PITPNC1: variants seen among roughly 807,000 people sequenced by gnomAD.
The protein encoded by PITPNC1 is phosphatidylinositol transfer protein cytoplasmic 1.
Under a neutral mutation model 44.7 loss-of-function variants are expected in PITPNC1, and 18 were observed. The ratio of observed to expected loss-of-function variants is 0.40; its 90% CI spans 0.28 to 0.60. The LOEUF (loss-of-function observed/expected upper bound fraction) is 0.60. PITPNC1 is among the 20% of genes least tolerant of loss of function. The probability of loss-of-function intolerance (pLI) is 0.39; values close to 1 mark genes in which losing one functional copy is unlikely to be tolerated. For missense variants in PITPNC1, 290 were observed against 418.4 expected (o/e 0.69, Z 2.68); for synonymous variants, 141 against 149.6 (o/e 0.94, Z 0.42).
At chr17:67,603,341 C>A (rs1313548394) in intron 5 of PITPNC1, among the ~76,000 whole-genome samples, 1 of 152,120 alleles carries the variant, frequency 6.6e-6, no homozygotes, top group Non-Finnish European at 1.5e-5. Context: ...TGATGGCAGC[C>A]ATGTGGATAT....
intron 1 of PITPNC1, among the ~76,000 whole-genome samples, chr17:67,392,271 T>C (rs1294978569): frequency 5.9e-5 from 9 of 152,214 alleles, no homozygotes; most frequent in Admixed American, 3.3e-4. Flanking sequence ...TTCAGAGTTA[T>C]AGATTTACCC....
At chr17:67,582,173 G>C (rs1030142853) in intron 5 of PITPNC1, among the ~76,000 whole-genome samples, 1 of 152,162 alleles carries the variant, frequency 6.6e-6, no homozygotes, top group Non-Finnish European at 1.5e-5. Flanking sequence ...TCTAGCCAGG[G>C]ATTCAAAACT....
At chr17:67,385,698 C>T (rs1301144777) in intron 1 of PITPNC1, among the ~76,000 whole-genome samples, 1 of 152,126 alleles carries the variant, frequency 6.6e-6, no homozygotes, top group Non-Finnish European at 1.5e-5. Context: ...GACACAGTTC[C>T]ACAGCCAGGG....
chr17:67,402,663 ATTGT>A (rs757856626), intron 1 of PITPNC1, among the ~76,000 whole-genome samples: 8 of 151,878 alleles, frequency 5.3e-5, no homozygotes, highest in Non-Finnish European at 7.4e-5. Flanking sequence ...ACATGTTTTT[ATTGT>A]TTGTTTGTTT....
intron 1 of PITPNC1, among the ~76,000 whole-genome samples, chr17:67,464,735 ACT>A (rs2039398304): frequency 6.9e-6 from 1 of 145,886 alleles, no homozygotes; most frequent in South Asian, 2.1e-4. Flanking sequence ...CGATTTTACA[ACT>A]CTCTCACTTT....
At chr17:67,651,481 C>T (rs1006444267) in intron 6 of PITPNC1, among the ~76,000 whole-genome samples, 3 of 151,800 alleles carry the variant, frequency 2.0e-5, no homozygotes, top group Non-Finnish European at 4.4e-5. Flanking sequence ...CCATTGCTCT[C>T]TAGCCCAGGT....
chr17:67,603,177 C>T (rs2041564124), intron 5 of PITPNC1, among the ~76,000 whole-genome samples: 2 of 152,200 alleles, frequency 1.3e-5, no homozygotes, highest in Admixed American at 6.5e-5. Context: ...GTGATTATGG[C>T]AGGGCCCCAT....
At chr17:67,532,701 A>G (rs1334630879) in intron 1 of PITPNC1, 101 bp from the exon 2 acceptor site, 2 of 854,886 alleles carry the variant, frequency 2.3e-6, no homozygotes, top group African/African-American at 3.4e-5. Flanking sequence ...TTCTCAGCAG[A>G]AGGTGCTGAT....
intron 1 of PITPNC1, among the ~76,000 whole-genome samples, chr17:67,391,693 C>T (rs564442746): frequency 6.6e-6 from 1 of 152,156 alleles, no homozygotes; most frequent in Non-Finnish European, 1.5e-5. Context: ...GTTGGCCAGG[C>T]TGGTCTCGAA....
At chr17:67,467,332 G>A (rs2039443263) in intron 1 of PITPNC1, among the ~76,000 whole-genome samples, 1 of 152,118 alleles carries the variant, frequency 6.6e-6, no homozygotes, top group Non-Finnish European at 1.5e-5. Context: ...GGGATTACAG[G>A]CATGAGCCAC....
intron 1 of PITPNC1, among the ~76,000 whole-genome samples, chr17:67,500,616 A>G (rs1381747987): frequency 6.6e-6 from 1 of 152,086 alleles, no homozygotes; most frequent in Non-Finnish European, 1.5e-5. Flanking sequence ...ACACTTTAAA[A>G]GGACAAATTT....
At chr17:67,581,305 G>A (rs2041231082) in intron 5 of PITPNC1, among the ~76,000 whole-genome samples, 1 of 152,198 alleles carries the variant, frequency 6.6e-6, no homozygotes, top group Admixed American at 6.5e-5. Context: ...TGAGACTTAG[G>A]CTGGGCTGCA....
chr17:67,683,382 G>A (rs1437330017), intron 8 of PITPNC1, among the ~76,000 whole-genome samples: 1 of 152,102 alleles, frequency 6.6e-6, no homozygotes, highest in Non-Finnish European at 1.5e-5. Context: ...CATATATGTT[G>A]CAAAAGCTAG....
chr17:67,502,502 CCTAGTCA>C (rs1339034455), intron 1 of PITPNC1, among the ~76,000 whole-genome samples: 10 of 151,984 alleles, frequency 6.6e-5, no homozygotes, highest in African/African-American at 2.4e-4. Context: ...AAACCATTGC[CCTAGTCA>C]ATCTATAGTG....
intron 6 of PITPNC1, among the ~76,000 whole-genome samples, chr17:67,655,492 G>A (rs939183938): frequency 6.8e-6 from 1 of 148,042 alleles, no homozygotes; most frequent in Admixed American, 6.8e-5. Context: ...CCTGGGAGGC[G>A]AGGCTTGTAG....
intron 5 of PITPNC1, among the ~76,000 whole-genome samples, chr17:67,606,768 T>C (rs894726367): frequency 1.3e-5 from 2 of 152,052 alleles, no homozygotes; most frequent in Admixed American, 6.6e-5. Context: ...GGTTTTTTTT[T>C]TTCTTCTTCC....
At chr17:67,511,921 T>A (rs962182581) in intron 1 of PITPNC1, among the ~76,000 whole-genome samples, 2 of 152,248 alleles carry the variant, frequency 1.3e-5, no homozygotes, top group African/African-American at 4.8e-5. Context: ...TGATACTGAT[T>A]ACTTGAGGTT....
chr17:67,650,426 G>T (rs956764650), intron 6 of PITPNC1, among the ~76,000 whole-genome samples: 35 of 146,954 alleles, frequency 2.4e-4, no homozygotes, highest in Non-Finnish European at 4.7e-4. Flanking sequence ...CATCCTGGGG[G>T]CTAGAAACCA....
chr17:67,526,568 A>G (rs190971460), intron 1 of PITPNC1, among the ~76,000 whole-genome samples: 1 of 151,982 alleles, frequency 6.6e-6, no homozygotes, highest in African/African-American at 2.4e-5. Context: ...GTTTCTACTA[A>G]AAAAATAACA....
Sources: allele counts gnomAD v4.1 joint callset (sites outside exome capture counted in the v4.1 genomes callset), GRCh38; gene constraint gnomAD v4.1.1; transcripts MANE v1.5; gene names NCBI Gene and HGNC (gene_info 2026-07-23, HGNC 2026-07-21).